Variants in ALDH2 observed in about 807,000 individuals in gnomAD.
ALDH2 encodes aldehyde dehydrogenase, mitochondrial.
Under a neutral mutation model 59.6 loss-of-function variants are expected in ALDH2, and 44 were observed. The observed-to-expected ratio is 0.74, with a 90% CI of 0.58 to 0.95. ALDH2 has a LOEUF of 0.95. Ranked by LOEUF, ALDH2 falls within the 40% of genes least tolerant of loss-of-function variation. The pLI, the probability that ALDH2 is intolerant of heterozygous loss-of-function variation, is 0.00. For synonymous variants in ALDH2, 291 were observed against 284.0 expected, an observed-to-expected ratio of 1.02 and a Z score of -0.25; for missense variants, 570 against 696.3, an observed-to-expected ratio of 0.82 and a Z score of 2.04.
intron 9 of ALDH2, among the ~76,000 whole-genome samples, chr12:111,794,849 A>G (rs2068390214): frequency 1.3e-5 from 2 of 152,038 alleles, no homozygotes; most frequent in African/African-American, 2.4e-5. Flanking sequence ...GATATAATTC[A>G]CGTAGCATAA....
In ALDH2 at chr12:111,766,978, C is replaced by T. The variant is rs1377100191; in HGVS notation, c.-5C>T. The T allele has an allele frequency of 2.6e-6, 4 of 1,521,362 alleles. No homozygotes were observed. The highest frequency in any genetic ancestry group is 3.5e-6 in the Non-Finnish European group (4 of 1,141,216). 94.2% of individuals were successfully genotyped at this position (1,521,362 alleles called of 1,614,324 possible). On this transcript the variant is annotated 5_prime_UTR_variant, in exon 1 of 13. Transcript: ENST00000261733. The stretch of plus-strand genomic sequence containing the variant: ...GGTCCGCTCGCTGTCCGCTAGCCCG[C>T]TGCGATGTTGCGCGCTGCCGCCCGC...
rs766650595 is a variant in ALDH2 at position 111,792,736 on chromosome 12, G to A, written c.1037G>A (p.Arg346Gln). Residue 346 changes from arginine (R) to glutamine (Q), a missense_variant, in exon 9 of 13, where the codon CGG becomes CAG. Coordinates refer to ENST00000261733, the MANE Select transcript of ALDH2 (RefSeq NM_000690.4). The part of the protein sequence containing the change: ...VERSVARAKS[R>Q]VVGNPFDSKT... ...CGGAGCGTTGCCCGGGCCAAGTCTC[G>A]GGTGGTCGGGAACCCCTTTGATAGC... 3.2e-6 allele frequency: 5 copies of A among 1,567,546 alleles called. No individual in the cohort carries two copies. Among genetic ancestry groups the A allele is most frequent in the South Asian group, 2.3e-5 (2 of 85,804 alleles).
Position 111,816,884 on chromosome 12 carries a change from A to G in ALDH2, c.*7309A>G, listed in dbSNP as rs1234975597. The G allele has an allele frequency of 1.3e-5, 2 of 152,242 alleles. No individual in the cohort carries two copies. The highest frequency in any genetic ancestry group is 2.9e-5 in the Non-Finnish European group (2 of 68,044). The allele number at this position is 152,242 out of a possible 1,614,324, so 9.4% of individuals were successfully genotyped here. Reference sequence around the variant, plus strand: ...GAATTTTGTTTTGTAATTCACCGATATCAAAGGTGATGTTGGATGTGCAAG... The same window carrying G: ...GAATTTTGTTTTGTAATTCACCGATGTCAAAGGTGATGTTGGATGTGCAAG... On this transcript the variant is annotated 3_prime_UTR_variant, in exon 13 of 13. Transcript: ENST00000261733.
chr12:111,771,092 C>T (rs905081873), intron 1 of ALDH2, among the ~76,000 whole-genome samples: 2 of 151,986 alleles, frequency 1.3e-5, no homozygotes, highest in Non-Finnish European at 2.9e-5. Context: ...AACTGACAGG[C>T]AATTAAGGAT....
At chr12:111,804,759 A>G (rs1344933352) in intron 12 of ALDH2, among the ~76,000 whole-genome samples, 3 of 151,882 alleles carry the variant, frequency 2.0e-5, no homozygotes, top group Non-Finnish European at 4.4e-5. Context: ...AAAAAAAAAA[A>G]AAAGAAAAGA....
Position 111,792,761 on chromosome 12 carries a change from C to G in ALDH2, c.1062C>G (p.Ser354Arg), listed in dbSNP as rs768020372. Residue 354 changes from serine to arginine, a missense_variant, in exon 9 of 13, where the codon AGC (serine) becomes AGG (arginine). By Grantham distance (110) the Ser-to-Arg change is moderately radical (BLOSUM62 -1). Coordinates refer to ENST00000261733, the MANE Select transcript of ALDH2 (RefSeq NM_000690.4). ...KSRVVGNPFD[S>R]KTEQGPQVDE... ...GGGTGGTCGGGAACCCCTTTGATAG[C>G]AAGACCGAGCAGGGGCCGCAGGTGA... 3 of 1,553,548 alleles carry G rather than the reference C, an allele frequency of 1.9e-6. No individual in the cohort carries two copies. The South Asian group carries it at 3.5e-5, about 18-fold the overall frequency.
chr12:111,798,245 G>A lies in ALDH2; in HGVS notation c.1248+3G>A, dbSNP rs2068421971. The A allele has an allele frequency of 2.6e-6, 4 of 1,549,930 alleles. No homozygotes were observed. The African/African-American group carries it at 5.5e-5, about 21-fold the overall frequency. On this transcript the variant is annotated splice_donor_region_variant and intron_variant, in intron 10 of 12. Coordinates refer to ENST00000261733, the MANE Select transcript of ALDH2 (RefSeq NM_000690.4). ...GCATGACCATCGCCAAGGAGGAGGT[G>A]AGCACTTGGGGCCAGTGCTCTGGAA... is the stretch of plus-strand genomic sequence containing the variant.
At chr12:111,768,677 C>T (rs992779336) in intron 1 of ALDH2, among the ~76,000 whole-genome samples, 1 of 151,818 alleles carries the variant, frequency 6.6e-6, no homozygotes, top group Admixed American at 6.6e-5. Context: ...TGTCTCTAGT[C>T]TCTACTAAAA....
chr12:111,812,910 A>C lies in ALDH2; in HGVS notation c.*3335A>C, dbSNP rs2068545588. 6.6e-6 allele frequency: 1 copy of C among 152,212 alleles called. No individual in the cohort carries two copies. Among genetic ancestry groups the C allele is most frequent in the East Asian group, 1.9e-4 (1 of 5,204 alleles). The allele number at this position is 152,212 out of a possible 1,614,324, so 9.4% of individuals were successfully genotyped here. A position where few individuals can be genotyped will look rare whatever the true frequency, so the allele number is the denominator to read the frequency against. ...AAAACAAGAAAAGAATACTGCAAAG[A>C]ACCTTGGTAGGGGTGAATTGGAAAA... On this transcript the variant is annotated 3_prime_UTR_variant, in exon 13 of 13. Coordinates refer to ENST00000261733, the MANE Select transcript of ALDH2 (RefSeq NM_000690.4).
rs749895638 is a variant in ALDH2, at chr12:111,792,042, T to C, written c.796-19T>C. The C allele has an allele frequency of 6.5e-7, 1 of 1,534,184 alleles. No individual in the cohort carries two copies. The highest frequency in any genetic ancestry group is 1.1e-5 in the South Asian group (1 of 89,372). The stretch of plus-strand genomic sequence containing the variant: ...TCTCCCGGCACTGAGAGCTTGTTCC[T>C]GTCTTTCTGTCCCCACAGATTGGCC... On this transcript the variant is annotated intron_variant, in intron 7 of 12. Coordinates refer to ENST00000261733, the MANE Select transcript of ALDH2 (RefSeq NM_000690.4).
chr12:111,776,336 A>G (rs1188593758), intron 1 of ALDH2, among the ~76,000 whole-genome samples: 1 of 152,190 alleles, frequency 6.6e-6, no homozygotes, highest in Admixed American at 6.5e-5. Context: ...CCCTGCGGGC[A>G]AGGTCCTAGC....
At chr12:111,798,588 G>C (rs1267734597) in intron 10 of ALDH2, among the ~76,000 whole-genome samples, 1 of 151,772 alleles carries the variant, frequency 6.6e-6, no homozygotes, top group Non-Finnish European at 1.5e-5. Context: ...AGGCTGGAGT[G>C]CAGTGGCATA....
At position 111,816,412 on chromosome 12, in the gene ALDH2, T is replaced by G. The variant is rs1438842639; in HGVS notation, c.*6837T>G. 6.6e-6 allele frequency: 1 copy of G among 152,308 alleles called. No homozygotes were observed. The highest frequency in any genetic ancestry group is 2.1e-4 in the South Asian group (1 of 4,826). The allele number at this position is 152,308 out of a possible 1,614,324, so 9.4% of individuals were successfully genotyped here. A position where few individuals can be genotyped will look rare whatever the true frequency, so the allele number is the denominator to read the frequency against. On this transcript the variant is annotated 3_prime_UTR_variant, in exon 13 of 13. Coordinates refer to ENST00000261733, the MANE Select transcript of ALDH2 (RefSeq NM_000690.4). ...TTCTTTGAACAGTAGGCTCTAGATG[T>G]CTCAGTAGATAACCTCAAAGAGCAT... is the stretch of plus-strand genomic sequence containing the variant.
chr12:111,804,040 C>A, intron 12 of ALDH2, 67 bp downstream of exon 12: 1 of 1,224,186 alleles, frequency 8.2e-7, no homozygotes, highest in Non-Finnish European at 1.1e-6. Context: ...TGGCTCGGAG[C>A]CTGCTGGGGG....
chr12:111,767,015 C>T lies in ALDH2; in HGVS notation c.33C>T (p.Arg11=). MLRAAARFGP[R]LGRRLLSAAA... ...GCGCTGCCGCCCGCTTCGGGCCCCG[C>T]CTGGGCCGCCGCCTCTTGTCAGCCG... Residue 11 remains arginine, a synonymous_variant, in exon 1 of 13, where the codon CGC becomes CGT. Transcript: ENST00000261733. 2.6e-6 allele frequency: 4 copies of T among 1,524,500 alleles called. No individual in the cohort carries two copies. The highest frequency in any genetic ancestry group is 3.5e-6 in the Non-Finnish European group (4 of 1,142,066). 94.4% of individuals were successfully genotyped at this position (1,524,500 alleles called of 1,614,324 possible). A position where few individuals can be genotyped will look rare whatever the true frequency, so the allele number is the denominator to read the frequency against.
At chr12:111,792,261 C>A (rs1362311191) in intron 8 of ALDH2, 98 bp downstream of exon 8, 4 of 969,680 alleles carry the variant, frequency 4.1e-6, no homozygotes, top group African/African-American at 1.6e-5. Flanking sequence ...TGCCCAATGG[C>A]GTTGGTTGCT....
chr12:111,805,493 T>G lies in ALDH2; in HGVS notation c.1521+1520T>G, dbSNP rs551005789. 8.8e-4 allele frequency among the ~76,000 whole-genome samples: 134 copies of G among 152,240 alleles called. 3 individuals carry two copies. Among genetic ancestry groups the G allele is most frequent in the Middle Eastern group, 3.4e-3 (1 of 294 alleles). On this transcript the variant is annotated intron_variant, in intron 12 of 12. Coordinates refer to ENST00000261733, the MANE Select transcript of ALDH2 (RefSeq NM_000690.4). ...GTGCACATCACCATTCCTGACTAAT[T>G]TTTGTATTTCTTGTAGAGATGGGGT...
In ALDH2 at chr12:111,790,481, G is replaced by T. The variant is rs1451759477; in HGVS notation, c.600G>T (p.Leu200Phe). ...AAGCATGGAAGCTGGGCCCAGCCTT[G>T]GCAACTGGAAACGTGGTTGTGATGA... ...LMQAWKLGPA[L>F]ATGNVVVMKV... The change falls in exon 6 of 13, where the codon TTG becomes TTT. Residue 200 changes from leucine (L) to phenylalanine (F), a missense_variant. Coordinates refer to ENST00000261733, the MANE Select transcript of ALDH2 (RefSeq NM_000690.4). 6.2e-7 allele frequency: 1 copy of T among 1,614,130 alleles called. No individual in the cohort carries two copies.
In ALDH2 at chr12:111,798,385, G is replaced by C. The variant is rs558458730; in HGVS notation, c.1248+143G>C. On this transcript the variant is annotated intron_variant, in intron 10 of 12. Coordinates refer to ENST00000261733, the MANE Select transcript of ALDH2 (RefSeq NM_000690.4). ...TACCCAGAACCAGTGCCCATAACACGCTATTCATAGTATGTATCTGATCTT... is the reference window on the plus strand; with the variant it reads ...TACCCAGAACCAGTGCCCATAACACCCTATTCATAGTATGTATCTGATCTT... 31 of 816,624 alleles carry C rather than the reference G, an allele frequency of 3.8e-5. No homozygotes were observed. In the African/African-American group the frequency reaches 4.7e-4, roughly 12 times the overall value. 50.6% of individuals were successfully genotyped at this position (816,624 alleles called of 1,614,324 possible).
Sources: gnomAD v4.1 joint callset for allele counts (sites outside exome capture counted in the v4.1 genomes callset) on GRCh38, gnomAD v4.1.1 for gene constraint, MANE v1.5 for transcripts, NCBI Gene and HGNC (gene_info 2026-07-23, HGNC 2026-07-21) for gene names.